Variants in WDR70 observed in about 807,000 individuals in gnomAD.
The protein encoded by WDR70 is WD repeat-containing protein 70.
WDR70 carries 53 observed loss-of-function variants against 88.6 expected under a neutral mutation model. The ratio of observed to expected loss-of-function variants is 0.60; its 90% CI spans 0.48 to 0.75. The LOEUF is 0.75. Among genes scored for constraint, WDR70 ranks in the 30% least tolerant of loss-of-function variants. The probability of loss-of-function intolerance (pLI) is 0.00; values close to 1 mark genes in which losing one functional copy is unlikely to be tolerated. For synonymous variants in WDR70, 280 were observed against 270.0 expected, an observed-to-expected ratio of 1.04 and a Z score of -0.36; for missense variants, 610 against 823.2, an observed-to-expected ratio of 0.74 and a Z score of 3.17.
chr5:37,599,574 A>G (rs1331607117), intron 9 of WDR70, among the ~76,000 whole-genome samples: 3 of 152,218 alleles, frequency 2.0e-5, no homozygotes, highest in African/African-American at 7.2e-5. Context: ...TGATGCTGGG[A>G]TAACTGGTTA....
At chr5:37,576,407 A>G (rs1165393968) in intron 9 of WDR70, among the ~76,000 whole-genome samples, 2 of 151,898 alleles carry the variant, frequency 1.3e-5, no homozygotes, top group East Asian at 3.9e-4. Flanking sequence ...GGCCTCAGAG[A>G]TACTTACTTT....
chr5:37,580,956 G>A (rs1389166287), intron 9 of WDR70, among the ~76,000 whole-genome samples: 1 of 152,154 alleles, frequency 6.6e-6, no homozygotes, highest in Admixed American at 6.5e-5. Context: ...GGGAAGGTTA[G>A]GGTGAAGGAA....
At chr5:37,606,484 G>A (rs1000433323) in intron 10 of WDR70, among the ~76,000 whole-genome samples, 4 of 152,148 alleles carry the variant, frequency 2.6e-5, no homozygotes, top group Admixed American at 2.6e-4. Flanking sequence ...AGCTTTAATA[G>A]TAGTGTTTTT....
At chr5:37,588,137 C>T (rs926396319) in intron 9 of WDR70, among the ~76,000 whole-genome samples, 5 of 151,830 alleles carry the variant, frequency 3.3e-5, no homozygotes. Context: ...GATACTAAGA[C>T]ATATATAATA....
At position 37,640,118 on chromosome 5, in the gene WDR70, A is replaced by C. The variant is rs546922533; in HGVS notation, c.1092+34880A>C. Reference sequence around the variant, plus strand: ...CTTTGAGCCCCTATGGACATTTGCAAGTGATTCTTTTATGTCTCTGAAGTC... The same window carrying C: ...CTTTGAGCCCCTATGGACATTTGCACGTGATTCTTTTATGTCTCTGAAGTC... On this transcript the variant is annotated intron_variant, in intron 10 of 17. Coordinates refer to ENST00000265107, the MANE Select transcript of WDR70 (RefSeq NM_018034.4). Among the ~76,000 whole-genome samples the C allele has an allele frequency of 2.4e-3, 371 of 152,316 alleles. 1 individual carries two copies. The highest frequency in any genetic ancestry group is 4.2e-3 in the South Asian group (20 of 4,818).
chr5:37,609,271 T>G (rs1744120555), intron 10 of WDR70, among the ~76,000 whole-genome samples: 1 of 152,208 alleles, frequency 6.6e-6, no homozygotes, highest in Non-Finnish European at 1.5e-5. Context: ...TTTTAAAAAC[T>G]ATGTTCATGT....
intron 7 of WDR70, among the ~76,000 whole-genome samples, chr5:37,449,363 G>A (rs1326642148): frequency 4.6e-5 from 7 of 151,990 alleles, no homozygotes; most frequent in Admixed American, 1.3e-4. Context: ...AGGCTGAGGC[G>A]GGCAGATCAC....
intron 5 of WDR70, among the ~76,000 whole-genome samples, chr5:37,427,536 T>C (rs189139181): frequency 5.3e-5 from 8 of 152,242 alleles, no homozygotes; most frequent in Admixed American, 2.0e-4. Flanking sequence ...ACATTTCTCT[T>C]TTTATTCCTA....
chr5:37,386,826 G>A (rs986982624), intron 3 of WDR70, among the ~76,000 whole-genome samples: 5 of 152,038 alleles, frequency 3.3e-5, no homozygotes, highest in African/African-American at 4.8e-5. Flanking sequence ...GGCTGGGCAC[G>A]GTGGCTCACG....
intron 9 of WDR70, among the ~76,000 whole-genome samples, chr5:37,586,397 A>G (rs1743365076): frequency 6.6e-6 from 1 of 152,164 alleles, no homozygotes; most frequent in Admixed American, 6.6e-5. Flanking sequence ...GGAATTTAAT[A>G]CTCATGATCA....
At chr5:37,516,483 T>C in intron 8 of WDR70, 31 bp from the exon 9 acceptor site, 10 of 1,426,586 alleles carry the variant, frequency 7.0e-6, no homozygotes, top group Non-Finnish European at 9.7e-6. Context: ...TTTTAAAACA[T>C]CTTTTTTTCC....
Position 37,697,752 on chromosome 5 carries a change from G to A in WDR70, c.1190G>A (p.Gly397Glu). ...SYDGNVLASR[G>E]GDDSLKLWDI... is the part of the protein sequence containing the mutation. Reference sequence around the variant, plus strand: ...GATGGTAATGTCCTTGCCTCTCGTGGAGGTAGGTTAAAAGCTTTCTTTTTG... The same window carrying A: ...GATGGTAATGTCCTTGCCTCTCGTGAAGGTAGGTTAAAAGCTTTCTTTTTG... Residue 397 changes from glycine to glutamate, a missense_variant and splice_region_variant, in exon 11 of 18, where the codon GGA (glycine) becomes GAA (glutamate). Around this residue, in one of 4 missense-constraint regions of WDR70, gnomAD observed 254 missense variants for 300.7 expected, o/e 0.84. Transcript: ENST00000265107. 1 of 1,612,398 alleles carries A rather than the reference G, an allele frequency of 6.2e-7. No homozygotes were observed. The highest frequency in any genetic ancestry group is 8.5e-7 in the Non-Finnish European group (1 of 1,178,610).
At chr5:37,544,248 G>A (rs1009112749) in intron 9 of WDR70, among the ~76,000 whole-genome samples, 1 of 152,186 alleles carries the variant, frequency 6.6e-6, no homozygotes, top group Non-Finnish European at 1.5e-5. Context: ...CATGGAGAAA[G>A]AGTTCTTTAG....
chr5:37,389,148 G>A (rs2111873698), intron 3 of WDR70, among the ~76,000 whole-genome samples: 1 of 148,778 alleles, frequency 6.7e-6, no homozygotes. Context: ...GCTGGAGTGT[G>A]GTGGTACTAT....
At chr5:37,423,798 G>C (rs62360223) in intron 5 of WDR70, among the ~76,000 whole-genome samples, 67,118 of 146,492 alleles carry the variant, frequency 0.46, 18,641 homozygotes, top group Non-Finnish European at 0.61. Flanking sequence ...TCCTGACCTC[G>C]TGGTCCGCCC....
rs556795644 is a variant in WDR70 at position 37,447,950 on chromosome 5, A to C, written c.686+4578A>C. ...TTAAAGTGTAATTAAAAAAGAAAAAAAGAAAAACTTTTCCTCATTAACTGA... is the reference window on the plus strand; with the variant it reads ...TTAAAGTGTAATTAAAAAAGAAAAACAGAAAAACTTTTCCTCATTAACTGA... On this transcript the variant is annotated intron_variant, in intron 7 of 17. Coordinates refer to ENST00000265107, the MANE Select transcript of WDR70 (RefSeq NM_018034.4). Among the ~76,000 whole-genome samples, 5 of 152,162 alleles carry C rather than the reference A, an allele frequency of 3.3e-5. No individual in the cohort carries two copies. In the East Asian group the frequency reaches 9.7e-4, roughly 29 times the overall value.
intron 9 of WDR70, among the ~76,000 whole-genome samples, chr5:37,584,574 T>C (rs1743312728): frequency 6.6e-6 from 1 of 152,212 alleles, no homozygotes; most frequent in Non-Finnish European, 1.5e-5. Context: ...CTTTCAAATC[T>C]GTTTTGCAGA....
At chr5:37,525,056 A>G (rs906676358) in intron 9 of WDR70, among the ~76,000 whole-genome samples, 1 of 152,176 alleles carries the variant, frequency 6.6e-6, no homozygotes, top group East Asian at 1.9e-4. Flanking sequence ...CACTGTCAAT[A>G]TTAGATAGAT....
intron 17 of WDR70, among the ~76,000 whole-genome samples, chr5:37,737,848 A>T (rs544339894): frequency 6.6e-6 from 1 of 152,144 alleles, no homozygotes; most frequent in South Asian, 2.1e-4. Context: ...CGTAGGTCTC[A>T]TGTATGTTCT....
Sources: allele counts gnomAD v4.1 joint callset (sites outside exome capture counted in the v4.1 genomes callset), GRCh38; gene constraint gnomAD v4.1.1; regional missense constraint gnomAD v4.1.1; transcripts MANE v1.5; gene names NCBI Gene and HGNC (gene_info 2026-07-23, HGNC 2026-07-21).